The following SLC25A17 variants were observed in gnomAD, a reference collection of about 807,000 sequenced individuals.
SLC25A17 encodes solute carrier family 25 member 17.
Under a neutral mutation model 38.5 loss-of-function variants are expected in SLC25A17, and 26 were observed. The ratio of observed to expected loss-of-function variants is 0.68; its 90% confidence interval spans 0.50 to 0.94. SLC25A17 has a LOEUF of 0.94. Among genes scored for constraint, SLC25A17 ranks in the 40% least tolerant of loss-of-function variants. SLC25A17 has a pLI of 0.00. For synonymous variants in SLC25A17, 139 were observed against 136.2 expected, an observed-to-expected ratio of 1.02 and a Z score of -0.14; for missense variants, 333 against 372.7, an observed-to-expected ratio of 0.89 and a Z score of 0.88.
rs60780380 is a variant in SLC25A17 at position 40,801,128 on chromosome 22, CATATATATATATATATAT to C, written c.55-2063_55-2046del. Among the ~76,000 whole-genome samples the C allele has an allele frequency of 2.8e-3, 282 of 101,206 alleles. 2 individuals are homozygous for C. The highest frequency in any genetic ancestry group is 0.016 in the South Asian group (46 of 2,966). 66.4% of individuals were successfully genotyped at this position (101,206 alleles called of 152,430 possible). On this transcript the variant is annotated intron_variant, in intron 1 of 8. Coordinates refer to ENST00000435456, the MANE Select transcript of SLC25A17 (RefSeq NM_006358.4). ...AAAGAAAAAAGAAAAAAATATATTA[CATATATATATATATATAT>C]ATATATATATATATATATATATGTA...
At position 40,799,908 on chromosome 22, in the gene SLC25A17, C is replaced by T. The variant is rs563064455; in HGVS notation, c.55-825G>A. On this transcript the variant is annotated intron_variant, in intron 1 of 8. Coordinates refer to ENST00000435456, the MANE Select transcript of SLC25A17 (RefSeq NM_006358.4). ...GGGGTTTGCAACCTAGGACACATGT[C>T]AAAGATAGCAGGCAAATGGATTTTT... 1.2e-4 allele frequency among the ~76,000 whole-genome samples: 19 copies of T among 152,268 alleles called. No homozygotes were observed. In the South Asian group the frequency reaches 3.7e-3, roughly 30 times the overall value.
At chr22:40,793,392 T>C (rs1297579287) in intron 3 of SLC25A17, among the ~76,000 whole-genome samples, 1 of 152,208 alleles carries the variant, frequency 6.6e-6, no homozygotes, top group Non-Finnish European at 1.5e-5. Flanking sequence ...CCACATAGAC[T>C]GCTTATAGTT....
At chr22:40,778,434 G>A (rs982184651) in intron 5 of SLC25A17, among the ~76,000 whole-genome samples, 4 of 152,102 alleles carry the variant, frequency 2.6e-5, no homozygotes, top group Admixed American at 6.5e-5. Context: ...CCAGAAAGAG[G>A]AGAGCCATGT....
At chr22:40,792,481 C>T in intron 4 of SLC25A17, 44 bp downstream of exon 4, 1 of 1,517,634 alleles carries the variant, frequency 6.6e-7, no homozygotes, top group Non-Finnish European at 8.9e-7. Flanking sequence ...TATAAAACCA[C>T]AAGGTAAATA....
chr22:40,783,535 C>T (rs1332722642), intron 4 of SLC25A17, among the ~76,000 whole-genome samples: 1 of 152,156 alleles, frequency 6.6e-6, no homozygotes, highest in Non-Finnish European at 1.5e-5. Context: ...CTTGCTGCAG[C>T]CTCCTACTCC....
intron 1 of SLC25A17, among the ~76,000 whole-genome samples, chr22:40,814,789 A>ATAG (rs1568990979): frequency 1.8e-5 from 2 of 110,340 alleles, no homozygotes; most frequent in Non-Finnish European, 3.7e-5. Context: ...ATATATATAT[A>ATAG]TTGTTGTTGT....
intron 2 of SLC25A17, 80 bp from the exon 3 acceptor site, chr22:40,794,660 C>T (rs2057412186): frequency 2.6e-6 from 2 of 755,296 alleles, no homozygotes; most frequent in Non-Finnish European, 4.2e-6. Flanking sequence ...CACTCTGTCG[C>T]CCAGGCTGGA....
chr22:40,772,540 C>T (rs777575466), intron 8 of SLC25A17, among the ~76,000 whole-genome samples: 4 of 152,168 alleles, frequency 2.6e-5, no homozygotes, highest in African/African-American at 7.2e-5. Flanking sequence ...TGAGCTAAAG[C>T]GATCTGCCTG....
At chr22:40,786,317 A>G (rs1368908993) in intron 4 of SLC25A17, among the ~76,000 whole-genome samples, 2 of 152,076 alleles carry the variant, frequency 1.3e-5, no homozygotes, top group Admixed American at 6.5e-5. Flanking sequence ...TTGCAAAAAA[A>G]AAAAAAAAGT....
chr22:40,776,097 T>C (rs2057241008), intron 7 of SLC25A17: 1 of 283,996 alleles, frequency 3.5e-6, no homozygotes, highest in Non-Finnish European at 6.9e-6. Flanking sequence ...TCATGCTATC[T>C]AAGAAGAGCC....
chr22:40,773,862 G>A, intron 8 of SLC25A17, 75 bp downstream of exon 8: 1 of 1,029,964 alleles, frequency 9.7e-7, no homozygotes, highest in East Asian at 2.4e-5. Context: ...GTGTGAGAGA[G>A]GGAAATGCAA....
chr22:40,777,058 C>T lies in SLC25A17; in HGVS notation c.675G>A (p.Thr225=), dbSNP rs770725146. 4 of 1,613,980 alleles carry T rather than the reference C, an allele frequency of 2.5e-6. No individual in the cohort carries two copies. The highest frequency in any genetic ancestry group is 2.2e-5 in the East Asian group (1 of 44,884). The change falls in exon 7 of 9, where the codon ACG becomes ACA. Residue 225 remains threonine (T), a synonymous_variant. Coordinates refer to ENST00000435456, the MANE Select transcript of SLC25A17 (RefSeq NM_006358.4). ...IATTVTYPLQ[T]VQSILRFGRH... is the part of the protein sequence containing the mutation. ...CACTCACCCTCAGAATTGACTGTAC[C>T]GTCTGCAGGGGATAGGTCACCGTGG...
chr22:40,786,411 T>C (rs1307848217), intron 4 of SLC25A17, among the ~76,000 whole-genome samples: 3 of 152,100 alleles, frequency 2.0e-5, no homozygotes, highest in Admixed American at 2.0e-4. Context: ...TACGGTTACT[T>C]CGCATATCTT....
intron 7 of SLC25A17, 40 bp from the exon 8 acceptor site, chr22:40,774,059 T>C (rs2076674): frequency 0.34 from 431,346 of 1,265,576 alleles, 78,346 homozygotes; most frequent in East Asian, 0.68. Flanking sequence ...ACTGTTGCTG[T>C]TTTTTAAAAT....
At chr22:40,814,934 C>T (rs1394449645) in intron 1 of SLC25A17, among the ~76,000 whole-genome samples, 1 of 151,910 alleles carries the variant, frequency 6.6e-6, no homozygotes, top group African/African-American at 2.4e-5. Context: ...GTTCTCCTGC[C>T]TCAGCCTCCC....
At position 40,794,686 on chromosome 22, in the gene SLC25A17, C is replaced by T; in HGVS notation, c.116-106G>A. 5 of 491,918 alleles carry T rather than the reference C, an allele frequency of 1.0e-5. No individual in the cohort carries two copies. In the South Asian group the frequency reaches 1.3e-4, roughly 13 times the overall value. The allele number at this position is 491,918 out of a possible 1,614,324, so 30.5% of individuals were successfully genotyped here. ...CCAGGCTGGAGTGCAGTGGCGTGATCTCAGCTCACTGCAACCTCCACCTCC... is the reference window on the plus strand; with the variant it reads ...CCAGGCTGGAGTGCAGTGGCGTGATTTCAGCTCACTGCAACCTCCACCTCC... On this transcript the variant is annotated intron_variant, in intron 2 of 8. Coordinates refer to ENST00000435456, the MANE Select transcript of SLC25A17 (RefSeq NM_006358.4).
chr22:40,789,110 T>C lies in SLC25A17; in HGVS notation c.334+3415A>G. The C allele has an allele frequency of 3.7e-6, 1 of 271,964 alleles. No individual in the cohort carries two copies. The highest frequency in any genetic ancestry group is 5.1e-5 in the South Asian group (1 of 19,568). 16.8% of individuals were successfully genotyped at this position (271,964 alleles called of 1,614,324 possible). A position where few individuals can be genotyped will look rare whatever the true frequency, so the allele number is the denominator to read the frequency against. The stretch of plus-strand genomic sequence containing the variant: ...CCAGCACTGGCCCAACCATAATAAA[T>C]GCCACTGGATATATCGGCTGGCAGA... On this transcript the variant is annotated intron_variant, in intron 4 of 8. Transcript: ENST00000435456. This position sits in a 1 kb window ranked among gnomAD's most constrained non-coding sequence, Gnocchi z 4.5.
intron 2 of SLC25A17, among the ~76,000 whole-genome samples, chr22:40,798,562 C>T (rs2057450780): frequency 6.7e-6 from 1 of 150,042 alleles, no homozygotes; most frequent in Non-Finnish European, 1.5e-5. Flanking sequence ...TTATTTCAAA[C>T]TTCTGGGATA....
chr22:40,806,668 C>T (rs935413083), intron 1 of SLC25A17, among the ~76,000 whole-genome samples: 1 of 151,962 alleles, frequency 6.6e-6, no homozygotes, highest in Non-Finnish European at 1.5e-5. Flanking sequence ...CAACCAGTAC[C>T]AAAGTTCCAA....
Sources: gnomAD v4.1 joint callset for allele counts (sites outside exome capture counted in the v4.1 genomes callset) on GRCh38, gnomAD v4.1.1 for gene constraint, Gnocchi (gnomAD v3.1) non-coding constraint, MANE v1.5 for transcripts, NCBI Gene and HGNC (gene_info 2026-07-23, HGNC 2026-07-21) for gene names.